ALK: variants seen among roughly 807,000 people sequenced by gnomAD.
ALK encodes the protein ALK tyrosine kinase receptor.
Under a neutral mutation model 163.1 loss-of-function variants are expected in ALK, and 74 were observed. The ratio of observed to expected loss-of-function variants is 0.45; its 90% CI spans 0.38 to 0.55. The LOEUF is 0.55. Among genes scored for constraint, ALK ranks in the 20% least tolerant of loss-of-function variants. The pLI is 0.00. For missense variants in ALK, 2,063 were observed against 2,105.3 expected, an observed-to-expected ratio of 0.98 and a Z score of 0.39; for synonymous variants, 960 against 843.2, an observed-to-expected ratio of 1.14 and a Z score of -2.40.
chr2:29,494,500 T>G (rs926999346), intron 4 of ALK, among the ~76,000 whole-genome samples: 1 of 152,050 alleles, frequency 6.6e-6, no homozygotes, highest in African/African-American at 2.4e-5. Context: ...CATGATCCTA[T>G]GAGAGACAGT....
chr2:29,621,564 G>A (rs2148229571), intron 3 of ALK, among the ~76,000 whole-genome samples: 1 of 152,318 alleles, frequency 6.6e-6, no homozygotes, highest in Non-Finnish European at 1.5e-5. Context: ...CCTGGACAGT[G>A]GGACAAAAGG....
intron 1 of ALK, among the ~76,000 whole-genome samples, chr2:29,830,713 T>TAAAAAAAAAAA (rs530774574): frequency 1.4e-4 from 4 of 28,998 alleles, no homozygotes; most frequent in African/African-American, 3.3e-4. Flanking sequence ...TAAAATAGTT[T>TAAAAAAAAAAA]AAAAAAAAAA....
intron 13 of ALK, among the ~76,000 whole-genome samples, chr2:29,235,792 A>G (rs1664356983): frequency 6.7e-6 from 1 of 148,568 alleles, no homozygotes; most frequent in Non-Finnish European, 1.5e-5. Context: ...TCCTGGGCTC[A>G]AGTAATCATC....
At chr2:29,320,489 A>G (rs1666995731) in intron 7 of ALK, among the ~76,000 whole-genome samples, 1 of 152,200 alleles carries the variant, frequency 6.6e-6, no homozygotes, top group African/African-American at 2.4e-5. Context: ...AAGGATTATT[A>G]TCGTTGTTGC....
chr2:29,387,891 C>T (rs1409358276), intron 4 of ALK, among the ~76,000 whole-genome samples: 1 of 152,150 alleles, frequency 6.6e-6, no homozygotes, highest in Non-Finnish European at 1.5e-5. Flanking sequence ...AGACTGCAAG[C>T]ACAAGAGGCA....
At chr2:29,678,086 T>C (rs958382693) in intron 3 of ALK, among the ~76,000 whole-genome samples, 1 of 152,062 alleles carries the variant, frequency 6.6e-6, no homozygotes, top group Non-Finnish European at 1.5e-5. Flanking sequence ...GTGTCATATA[T>C]TGGCAAAAGG....
In ALK at chr2:29,227,465, C is replaced by A. The variant is rs563623925; in HGVS notation, c.2914+109G>T. The A allele has an allele frequency of 3.3e-4, 323 of 985,932 alleles. 1 individual carries two copies. In the African/African-American group the frequency reaches 4.5e-3, roughly 14 times the overall value. The allele number at this position is 985,932 out of a possible 1,614,324, so 61.1% of individuals were successfully genotyped here. On this transcript the variant is annotated intron_variant, in intron 17 of 28. Coordinates refer to ENST00000389048, the MANE Select transcript of ALK (RefSeq NM_004304.5). This position sits in a 1 kb window ranked among gnomAD's most constrained non-coding sequence, Gnocchi z 4.4. ...CATAGGAAGCTTGCCTGCCAGGGACCCATAATTGTGCCTCTGTATCCTGGA... is the reference window on the plus strand; with the variant it reads ...CATAGGAAGCTTGCCTGCCAGGGACACATAATTGTGCCTCTGTATCCTGGA...
At chr2:29,381,551 A>T (rs1668896971) in intron 5 of ALK, among the ~76,000 whole-genome samples, 1 of 152,170 alleles carries the variant, frequency 6.6e-6, no homozygotes, top group Non-Finnish European at 1.5e-5. Flanking sequence ...GGAGTTCTAC[A>T]GTTGTGTTTC....
At chr2:29,224,107 G>A (rs1192518187) in intron 19 of ALK, among the ~76,000 whole-genome samples, 3 of 152,216 alleles carry the variant, frequency 2.0e-5, no homozygotes, top group African/African-American at 4.8e-5. Flanking sequence ...CTCAGCCATT[G>A]GGTAGGGCAG....
At chr2:29,637,074 T>C (rs1418858753) in intron 3 of ALK, among the ~76,000 whole-genome samples, 2 of 152,182 alleles carry the variant, frequency 1.3e-5, no homozygotes, top group Admixed American at 6.5e-5. Flanking sequence ...GACTCAGTGG[T>C]TGCTCTCCTG....
intron 1 of ALK, among the ~76,000 whole-genome samples, chr2:29,851,634 G>C (rs1665995081): frequency 6.6e-6 from 1 of 152,164 alleles, no homozygotes; most frequent in Non-Finnish European, 1.5e-5. Flanking sequence ...TTTCTGTCCA[G>C]CTCCCAAGTA....
intron 1 of ALK, among the ~76,000 whole-genome samples, chr2:29,876,686 T>TGATGGTAACG (rs879429677): frequency 0.055 from 7,548 of 136,650 alleles, 243 homozygotes; most frequent in East Asian, 0.14. Flanking sequence ...ACGATGGTGA[T>TGATGGTAACG]ATGGTGATGG....
At chr2:29,290,235 G>T (rs890267084) in intron 9 of ALK, among the ~76,000 whole-genome samples, 10 of 152,306 alleles carry the variant, frequency 6.6e-5, no homozygotes, top group African/African-American at 2.2e-4. Context: ...GCTGAAATTA[G>T]GGAATGACAT....
At chr2:29,889,078 C>G (rs1667065364) in intron 1 of ALK, among the ~76,000 whole-genome samples, 1 of 152,030 alleles carries the variant, frequency 6.6e-6, no homozygotes, top group South Asian at 2.1e-4. Context: ...TAATTTGAAC[C>G]AAAAAGTGAC....
At chr2:29,727,101 T>C (rs1471982439) in intron 1 of ALK, among the ~76,000 whole-genome samples, 2 of 152,144 alleles carry the variant, frequency 1.3e-5, no homozygotes, top group Non-Finnish European at 2.9e-5. Flanking sequence ...GAAGTCGACC[T>C]AGAAACACAC....
chr2:29,524,872 T>C (rs1179040382), intron 4 of ALK, among the ~76,000 whole-genome samples: 1 of 151,406 alleles, frequency 6.6e-6, no homozygotes, highest in East Asian at 1.9e-4. Context: ...GATGGATGGA[T>C]GAACGGATGG....
rs1666198944 is a variant in ALK at position 29,296,889 on chromosome 2, T to C, written c.1816A>G (p.Arg606Gly). 1.2e-6 allele frequency: 2 copies of C among 1,614,168 alleles called. No homozygotes were observed. Among genetic ancestry groups the C allele is most frequent in the East Asian group, 2.2e-5 (1 of 44,870 alleles). ...TTGGGGGAGATGCATAGAGCCTACC[T>C]GTCAGACACATCGAGGAGAGGCAAC... ...MVLPLLDVSD[R>G]FWLQMVAWWG... Residue 606 changes from arginine (R) to glycine (G), a missense_variant and splice_region_variant, in exon 9 of 29, where the codon AGG becomes GGG. Around this residue, in one of 5 missense-constraint regions of ALK, gnomAD observed 987 missense variants for 939.5 expected, o/e 1.05. Transcript: ENST00000389048.
At chr2:29,906,723 G>A (rs1360740298) in intron 1 of ALK, among the ~76,000 whole-genome samples, 1 of 152,078 alleles carries the variant, frequency 6.6e-6, no homozygotes, top group Non-Finnish European at 1.5e-5. Flanking sequence ...AAAACGAAAA[G>A]AGTACTAAAA....
chr2:29,542,558 T>C (rs1189041077), intron 3 of ALK, among the ~76,000 whole-genome samples: 1 of 152,242 alleles, frequency 6.6e-6, no homozygotes, highest in Non-Finnish European at 1.5e-5. Context: ...GTTTGCAGAT[T>C]AGAAACTTTG....
Sources: gnomAD v4.1 joint callset for allele counts (sites outside exome capture counted in the v4.1 genomes callset) on GRCh38, gnomAD v4.1.1 for gene constraint, gnomAD v4.1.1 regional missense constraint, Gnocchi (gnomAD v3.1) non-coding constraint, MANE v1.5 for transcripts, NCBI Gene and HGNC (gene_info 2026-07-23, HGNC 2026-07-21) for gene names.